The following SOX6 variants were observed in gnomAD, a reference collection of about 807,000 sequenced individuals.
SOX6 encodes the protein transcription factor SOX-6.
Under a neutral mutation model 97.8 loss-of-function variants are expected in SOX6, and 11 were observed. The observed-to-expected ratio is 0.11, with a 90% confidence interval of 0.07 to 0.19. SOX6 has a LOEUF of 0.19. Among genes scored for constraint, SOX6 ranks in the 10% least tolerant of loss-of-function variants. The pLI is 1.00. For synonymous variants in SOX6, 360 were observed against 371.4 expected, an observed-to-expected ratio of 0.97 and a Z score of 0.35; for missense variants, 810 against 1,039.5, an observed-to-expected ratio of 0.78 and a Z score of 3.04.
At chr11:16,497,327 C>T (rs1860618002) in intron 4 of SOX6, among the ~76,000 whole-genome samples, 2 of 152,056 alleles carry the variant, frequency 1.3e-5, no homozygotes, top group Non-Finnish European at 2.9e-5. Context: ...ATGTCACCAT[C>T]GTCAAAGACA....
intron 3 of SOX6, among the ~76,000 whole-genome samples, chr11:16,669,271 T>C (rs1847830359): frequency 6.6e-6 from 1 of 152,178 alleles, no homozygotes; most frequent in Non-Finnish European, 1.5e-5. Flanking sequence ...ATGGAAATTA[T>C]CCAATATGCT....
chr11:16,042,391 G>A (rs1855695089), intron 12 of SOX6, among the ~76,000 whole-genome samples: 1 of 152,160 alleles, frequency 6.6e-6, no homozygotes, highest in African/African-American at 2.4e-5. Context: ...CCAGGTAGAA[G>A]GTGACAAGTA....
intron 6 of SOX6, among the ~76,000 whole-genome samples, chr11:16,129,383 C>T (rs1849684310): frequency 1.3e-5 from 2 of 152,132 alleles, no homozygotes; most frequent in Non-Finnish European, 1.5e-5. Flanking sequence ...ACTTTATATG[C>T]TGTGACATAC....
At chr11:16,086,760 G>A (rs56339948) in intron 9 of SOX6, among the ~76,000 whole-genome samples, 3,957 of 152,260 alleles carry the variant, frequency 0.026, 173 homozygotes, top group African/African-American at 0.09. Flanking sequence ...AGATAAGACA[G>A]TTTTTATCAC....
intron 5 of SOX6, among the ~76,000 whole-genome samples, chr11:16,184,345 G>C (rs1449252474): frequency 2.6e-5 from 4 of 152,010 alleles, no homozygotes; most frequent in African/African-American, 9.7e-5. Context: ...AAAAATCTTC[G>C]TATTATTGCT....
chr11:16,096,020 G>A lies in SOX6; in HGVS notation c.1077C>T (p.His359=). 1 of 1,610,934 alleles carries A rather than the reference G, an allele frequency of 6.2e-7. No individual in the cohort carries two copies. Among genetic ancestry groups the A allele is most frequent in the Non-Finnish European group, 8.5e-7 (1 of 1,178,238 alleles). Residue 359 remains histidine, a synonymous_variant, in exon 9 of 16, where the codon CAC becomes CAT. Coordinates refer to ENST00000683767, the MANE Select transcript of SOX6 (RefSeq NM_001367873.1). ...CCTCAATCTGTTTGTGGTTGTAAGA[G>A]TGGCCACCACCATGTTCAAAGGTGT... ...NLDTFEHGGG[H]SYNHKQIEQL...
chr11:16,163,906 A>G (rs1046868942), intron 6 of SOX6, among the ~76,000 whole-genome samples: 1 of 152,232 alleles, frequency 6.6e-6, no homozygotes, highest in Non-Finnish European at 1.5e-5. Context: ...GGCTAGTTCT[A>G]CTTAAGGCCC....
chr11:16,243,331 A>G (rs1307768111), intron 3 of SOX6, among the ~76,000 whole-genome samples: 1 of 151,876 alleles, frequency 6.6e-6, no homozygotes, highest in Non-Finnish European at 1.5e-5. Flanking sequence ...TTATACCACA[A>G]TACGATAACT....
intron 1 of SOX6, among the ~76,000 whole-genome samples, chr11:16,373,038 AGG>A (rs923343722): frequency 1.3e-5 from 2 of 152,110 alleles, no homozygotes; most frequent in Non-Finnish European, 2.9e-5. Flanking sequence ...AGATATATTT[AGG>A]AAGAAAAAAT....
At chr11:15,980,120 T>C (rs980077501) in intron 15 of SOX6, among the ~76,000 whole-genome samples, 8 of 152,096 alleles carry the variant, frequency 5.3e-5, no homozygotes, top group Non-Finnish European at 1.2e-4. Flanking sequence ...ACTAGCTGTA[T>C]GAAAATAACC....
intron 3 of SOX6, among the ~76,000 whole-genome samples, chr11:16,302,540 T>C (rs1052221314): frequency 6.6e-6 from 1 of 151,482 alleles, no homozygotes; most frequent in African/African-American, 2.4e-5. Flanking sequence ...CTTCTATACT[T>C]CTACAGCATT....
intron 3 of SOX6, among the ~76,000 whole-genome samples, chr11:16,243,033 T>C (rs1481602177): frequency 6.6e-6 from 1 of 151,892 alleles, no homozygotes; most frequent in Admixed American, 6.6e-5. Flanking sequence ...CTGACCTGAA[T>C]GTCTCCCCAC....
At chr11:16,253,721 A>T (rs1413305814) in intron 3 of SOX6, among the ~76,000 whole-genome samples, 5 of 152,046 alleles carry the variant, frequency 3.3e-5, no homozygotes, top group African/African-American at 1.2e-4. Context: ...ATAACTGTGG[A>T]ACAACTACAA....
At chr11:15,998,763 T>A (rs1319062513) in intron 13 of SOX6, among the ~76,000 whole-genome samples, 1 of 152,098 alleles carries the variant, frequency 6.6e-6, no homozygotes, top group Non-Finnish European at 1.5e-5. Flanking sequence ...TATCACACAT[T>A]ATATACAACA....
intron 3 of SOX6, among the ~76,000 whole-genome samples, chr11:16,303,446 G>T (rs1855327247): frequency 6.6e-6 from 1 of 151,998 alleles, no homozygotes; most frequent in South Asian, 2.1e-4. Context: ...TTTTATCTGT[G>T]GATTCTCTAG....
chr11:16,113,012 T>G (rs1378189396), intron 6 of SOX6, among the ~76,000 whole-genome samples: 1 of 152,194 alleles, frequency 6.6e-6, no homozygotes, highest in Non-Finnish European at 1.5e-5. Context: ...TTACCAGTAA[T>G]TCTTCCAACC....
intron 1 of SOX6, among the ~76,000 whole-genome samples, chr11:16,410,992 A>AG (rs1216710871): frequency 1.3e-5 from 2 of 151,770 alleles, no homozygotes; most frequent in African/African-American, 4.8e-5. Context: ...CTGAAAAAAA[A>AG]AAAAAGAAAA....
At chr11:16,721,697 T>A (rs1258293687) in intron 2 of SOX6, among the ~76,000 whole-genome samples, 1 of 148,614 alleles carries the variant, frequency 6.7e-6, no homozygotes, top group Non-Finnish European at 1.5e-5. Context: ...CCTTTCACCA[T>A]GATTGTAAGT....
At chr11:16,143,683 A>G (rs1309991489) in intron 6 of SOX6, among the ~76,000 whole-genome samples, 1 of 152,182 alleles carries the variant, frequency 6.6e-6, no homozygotes, top group Non-Finnish European at 1.5e-5. Context: ...GAAAACAAAA[A>G]AAGGCAGGGG....
Sources: allele counts gnomAD v4.1 joint callset (sites outside exome capture counted in the v4.1 genomes callset), GRCh38; gene constraint gnomAD v4.1.1; transcripts MANE v1.5; gene names NCBI Gene and HGNC (gene_info 2026-07-23, HGNC 2026-07-21).